Variants in STARD8 observed in about 807,000 individuals in gnomAD.
STARD8 encodes the protein stAR-related lipid transfer protein 8.
A neutral mutation model predicts 69.4 loss-of-function variants in STARD8; 25 were observed. That is an observed-to-expected ratio of 0.36 (90% CI 0.26 to 0.50). The LOEUF is 0.50. Ranked by LOEUF, STARD8 falls within the 20% of genes least tolerant of loss-of-function variation. The pLI, the probability that STARD8 is intolerant of heterozygous loss-of-function variation, is 0.96. For missense variants in STARD8, 921 were observed against 932.5 expected (o/e 0.99, Z 0.16); for synonymous variants, 389 against 374.6 (o/e 1.04, Z -0.45).
intron 1 of STARD8, among the ~76,000 whole-genome samples, chrX:68,652,989 AC>A (rs1789820567): frequency 3.3e-5 from 1 of 30,398 alleles, no homozygotes; most frequent in East Asian, 1.3e-3. Context: ...CCACACACAC[AC>A]CACACACCAC....
chrX:68,697,147 A>G (rs73529868), intron 2 of STARD8, among the ~76,000 whole-genome samples: 2,298 of 112,179 alleles, frequency 0.02, 63 homozygotes, highest in African/African-American at 0.07. Context: ...AAGGATTCAT[A>G]AAAACAACCA....
intron 1 of STARD8, among the ~76,000 whole-genome samples, chrX:68,654,242 TACA>T (rs1385287256): frequency 9.0e-6 from 1 of 111,556 alleles, no homozygotes; most frequent in Non-Finnish European, 1.9e-5. Flanking sequence ...GTCTGTGTAA[TACA>T]CCATAATCTC....
intron 2 of STARD8, among the ~76,000 whole-genome samples, chrX:68,679,348 C>A (rs978130137): frequency 1.8e-5 from 2 of 111,513 alleles, no homozygotes; most frequent in African/African-American, 6.5e-5. Context: ...CCCCCAGCCT[C>A]CCTATGATAG....
intron 2 of STARD8, among the ~76,000 whole-genome samples, chrX:68,665,763 G>A (rs932488647): frequency 8.9e-6 from 1 of 112,253 alleles, no homozygotes; most frequent in Non-Finnish European, 1.9e-5. Flanking sequence ...TTTTGCTCTT[G>A]TCAGAGAGCC....
At chrX:68,663,142 A>C (rs2079661757) in intron 1 of STARD8, among the ~76,000 whole-genome samples, 1 of 112,227 alleles carries the variant, frequency 8.9e-6, no homozygotes, top group Non-Finnish European at 1.9e-5. Flanking sequence ...ACAAGGAAAC[A>C]AAAAGGGCCT....
rs764099920 is a variant in STARD8 at position 68,724,844 on chromosome X, C to T, written c.*422C>T. 29 of 123,866 alleles carry T rather than the reference C, an allele frequency of 2.3e-4. No homozygotes were observed. The highest frequency in any genetic ancestry group is 4.6e-4 in the Non-Finnish European group (28 of 61,462). 10.2% of individuals were successfully genotyped at this position (123,866 alleles called of 1,213,427 possible). ...AGCCGTCTTGTTTGCTGCAAGGATG[C>T]TTTTGAGGTTGGACAGGAGGTTCTG... is the stretch of plus-strand genomic sequence containing the variant. On this transcript the variant is annotated 3_prime_UTR_variant, in exon 15 of 15. Transcript: ENST00000374599.
intron 1 of STARD8, among the ~76,000 whole-genome samples, chrX:68,650,848 G>A (rs1428835932): frequency 9.3e-6 from 1 of 107,933 alleles, no homozygotes; most frequent in Admixed American, 9.6e-5. Context: ...AAACTGGTGG[G>A]CTAGGACAGC....
At chrX:68,673,543 A>AAACAAC (rs746104369) in intron 2 of STARD8, among the ~76,000 whole-genome samples, 24 of 111,877 alleles carry the variant, frequency 2.1e-4, no homozygotes, top group African/African-American at 7.5e-4. Context: ...CTTTTACCAA[A>AAACAAC]AACAACAACA....
At chrX:68,698,741 C>T (rs965713021) in intron 2 of STARD8, among the ~76,000 whole-genome samples, 2 of 110,998 alleles carry the variant, frequency 1.8e-5, no homozygotes, top group Non-Finnish European at 3.8e-5. Flanking sequence ...TCTGGTTCTG[C>T]CCCCTCTATA....
intron 2 of STARD8, among the ~76,000 whole-genome samples, chrX:68,702,787 G>T (rs1399565653): frequency 1.8e-5 from 2 of 109,766 alleles, no homozygotes; most frequent in Non-Finnish European, 3.8e-5. Context: ...AAGATTCAAT[G>T]ACATAATACA....
At chrX:68,697,868 C>T in intron 2 of STARD8, among the ~76,000 whole-genome samples, 1 of 112,269 alleles carries the variant, frequency 8.9e-6, no homozygotes, top group Non-Finnish European at 1.9e-5. Flanking sequence ...AGAAAGACCC[C>T]AGGAATGTTC....
chrX:68,703,533 G>A (rs1484562155), intron 2 of STARD8, among the ~76,000 whole-genome samples: 1 of 112,490 alleles, frequency 8.9e-6, no homozygotes, highest in African/African-American at 3.2e-5. Flanking sequence ...TGGGGGAGGG[G>A]TCGTGTCTGC....
intron 2 of STARD8, among the ~76,000 whole-genome samples, chrX:68,700,371 G>A (rs2054070420): frequency 8.9e-6 from 1 of 112,401 alleles, no homozygotes; most frequent in Non-Finnish European, 1.9e-5. Context: ...CAGTGAGGGA[G>A]GATTTGGAGC....
At chrX:68,691,085 G>C (rs1214075655) in intron 2 of STARD8, among the ~76,000 whole-genome samples, 1 of 111,252 alleles carries the variant, frequency 9.0e-6, no homozygotes, top group Non-Finnish European at 1.9e-5. Context: ...GTAGAATGAG[G>C]AAAGCCCCAT....
At chrX:68,702,618 G>A (rs1232772478) in intron 2 of STARD8, among the ~76,000 whole-genome samples, 1 of 111,502 alleles carries the variant, frequency 9.0e-6, no homozygotes, top group East Asian at 2.8e-4. Context: ...TTCTAACTTG[G>A]TAGCTCTGAC....
chrX:68,705,558 C>T (rs962900904), intron 2 of STARD8, among the ~76,000 whole-genome samples: 2 of 112,863 alleles, frequency 1.8e-5, no homozygotes, highest in Non-Finnish European at 3.8e-5. Flanking sequence ...GGCTAGGGAC[C>T]ACCACTGAAT....
rs148157759 is a variant in STARD8, at chrX:68,724,513, C to T, written c.*91C>T. On this transcript the variant is annotated 3_prime_UTR_variant, in exon 15 of 15. Transcript: ENST00000374599. Reference sequence around the variant, plus strand: ...AAGAGCAGGGCAGCCCCCTGGGTGCCGCTGTCAGGAGCAGAGCCAGGCCCA... The same window carrying T: ...AAGAGCAGGGCAGCCCCCTGGGTGCTGCTGTCAGGAGCAGAGCCAGGCCCA... The T allele has an allele frequency of 8.7e-3, 6,857 of 791,901 alleles. 287 individuals are homozygous for T. The African/African-American group carries it at 0.12, about 14-fold the overall frequency. The allele number at this position is 791,901 out of a possible 1,213,427, so 65.3% of individuals were successfully genotyped here.
chrX:68,707,809 C>T (rs962071989), intron 2 of STARD8, among the ~76,000 whole-genome samples: 2 of 111,504 alleles, frequency 1.8e-5, no homozygotes, highest in East Asian at 5.7e-4. Flanking sequence ...AACCCAGGAC[C>T]GGGCAGCTCT....
intron 1 of STARD8, among the ~76,000 whole-genome samples, chrX:68,650,737 C>T (rs1360350808): frequency 9.1e-6 from 1 of 109,805 alleles, no homozygotes; most frequent in African/African-American, 3.3e-5. Context: ...GAGTCATGAT[C>T]GCACCACTGC....
Sources: allele counts gnomAD v4.1 joint callset (sites outside exome capture counted in the v4.1 genomes callset), GRCh38; gene constraint gnomAD v4.1.1; transcripts MANE v1.5; gene names NCBI Gene and HGNC (gene_info 2026-07-23, HGNC 2026-07-21).